GOLPH3L: variants seen among roughly 807,000 people sequenced by gnomAD.
GOLPH3L encodes golgi phosphoprotein 3 like.
A neutral mutation model predicts 30.3 loss-of-function variants in GOLPH3L; 22 were observed. The ratio of observed to expected loss-of-function variants is 0.73; its 90% CI spans 0.52 to 1.04. The LOEUF (loss-of-function observed/expected upper bound fraction) is 1.04. Ranked by LOEUF, GOLPH3L falls within the 50% of genes least tolerant of loss-of-function variation. The probability of loss-of-function intolerance (pLI) is 0.00; values close to 1 mark genes in which losing one functional copy is unlikely to be tolerated. For synonymous variants in GOLPH3L, 120 were observed against 128.2 expected (o/e 0.94, Z 0.43); for missense variants, 303 against 345.8 (o/e 0.88, Z 0.98).
At chr1:150,671,387 C>T (rs1010443811) in intron 2 of GOLPH3L, among the ~76,000 whole-genome samples, 2 of 152,144 alleles carry the variant, frequency 1.3e-5, no homozygotes, top group African/African-American at 4.8e-5. Context: ...ACAGTCAACA[C>T]TTTATGCTGA....
intron 2 of GOLPH3L, among the ~76,000 whole-genome samples, chr1:150,669,247 A>G (rs1650585336): frequency 6.6e-6 from 1 of 152,196 alleles, no homozygotes; most frequent in Non-Finnish European, 1.5e-5. Context: ...CATGATAGTA[A>G]ATGTTCCCCT....
chr1:150,693,708 A>G (rs1651263974), intron 2 of GOLPH3L, among the ~76,000 whole-genome samples: 1 of 151,326 alleles, frequency 6.6e-6, no homozygotes, highest in Non-Finnish European at 1.5e-5. Context: ...ATGTTCCATT[A>G]AATAAGGAGA....
chr1:150,667,251 C>T (rs1029572047), intron 2 of GOLPH3L, among the ~76,000 whole-genome samples: 7 of 152,164 alleles, frequency 4.6e-5, no homozygotes, highest in Admixed American at 2.0e-4. Context: ...AAGATTATTT[C>T]TACTTTCCAA....
At chr1:150,655,248 G>A (rs1251394725) in intron 4 of GOLPH3L, among the ~76,000 whole-genome samples, 5 of 152,078 alleles carry the variant, frequency 3.3e-5, no homozygotes, top group Non-Finnish European at 7.3e-5. Flanking sequence ...AATTCAACCC[G>A]CCCAATTTAA....
At chr1:150,658,285 C>A (rs1650291621) in intron 4 of GOLPH3L, among the ~76,000 whole-genome samples, 1 of 152,206 alleles carries the variant, frequency 6.6e-6, no homozygotes, top group Non-Finnish European at 1.5e-5. Context: ...ATCGGGACAA[C>A]CAGTCGCAAT....
intron 2 of GOLPH3L, among the ~76,000 whole-genome samples, chr1:150,673,963 T>A (rs1650707810): frequency 1.3e-5 from 2 of 151,350 alleles, no homozygotes; most frequent in Non-Finnish European, 1.5e-5. Flanking sequence ...GGAAAACATG[T>A]CCAGGCTCTA....
At chr1:150,652,513 C>T (rs954930924) in intron 4 of GOLPH3L, among the ~76,000 whole-genome samples, 1 of 151,184 alleles carries the variant, frequency 6.6e-6, no homozygotes, top group Admixed American at 6.6e-5. Context: ...AGCAGACCTG[C>T]TTATAAGAAA....
Position 150,694,753 on chromosome 1 carries a change from CAATTACTG to C in GOLPH3L, c.78_85del (p.Asp26GlufsTer8). On this transcript the variant is annotated frameshift_variant, in exon 2 of 5. Coordinates refer to ENST00000271732, the MANE Select transcript of GOLPH3L (RefSeq NM_018178.6). LOFTEE classifies it high-confidence loss of function. ...ATCTTCATTGTCTGGACTTTTCTCC[CAATTACTG>C]TCTTCCTCACTTTCCATCTTCTTTT... 1 of 1,610,544 alleles carries C rather than the reference CAATTACTG, an allele frequency of 6.2e-7. No homozygotes were observed. Among genetic ancestry groups the C allele is most frequent in the Non-Finnish European group, 8.5e-7 (1 of 1,176,862 alleles).
chr1:150,661,932 T>G lies in GOLPH3L; in HGVS notation c.316-4A>C, dbSNP rs752909012. The G allele has an allele frequency of 2.3e-6, 3 of 1,331,512 alleles. No homozygotes were observed. The highest frequency in any genetic ancestry group is 3.3e-6 in the Non-Finnish European group (3 of 922,132). 82.5% of individuals were successfully genotyped at this position (1,331,512 alleles called of 1,614,324 possible). A position where few individuals can be genotyped will look rare whatever the true frequency, so the allele number is the denominator to read the frequency against. The stretch of plus-strand genomic sequence containing the variant: ...GGCTGTCTGACTTTAGCAGTACCTT[T>G]GAGAAAAGGAGAAAGAAGGAACCCT... On this transcript the variant is annotated splice_region_variant and splice_polypyrimidine_tract_variant and intron_variant, in intron 3 of 4. Coordinates refer to ENST00000271732, the MANE Select transcript of GOLPH3L (RefSeq NM_018178.6).
At chr1:150,681,242 A>G (rs1650939791) in intron 2 of GOLPH3L, among the ~76,000 whole-genome samples, 1 of 152,246 alleles carries the variant, frequency 6.6e-6, no homozygotes, top group Non-Finnish European at 1.5e-5. Flanking sequence ...AAAAATGTGA[A>G]AATGGAGCCC....
intron 2 of GOLPH3L, among the ~76,000 whole-genome samples, chr1:150,681,121 G>A (rs965215661): frequency 2.0e-5 from 3 of 152,046 alleles, no homozygotes; most frequent in African/African-American, 7.2e-5. Context: ...TGGGTGACAA[G>A]AGCAAAACTC....
chr1:150,692,699 T>C (rs2101822723), intron 2 of GOLPH3L, among the ~76,000 whole-genome samples: 1 of 152,336 alleles, frequency 6.6e-6, no homozygotes, highest in Middle Eastern at 3.4e-3. Flanking sequence ...GCCATCTGCT[T>C]ATTTTGTACA....
chr1:150,673,314 A>C (rs1454823063), intron 2 of GOLPH3L, among the ~76,000 whole-genome samples: 1 of 152,178 alleles, frequency 6.6e-6, no homozygotes, highest in Non-Finnish European at 1.5e-5. Flanking sequence ...CTGTAATCCC[A>C]GCACTTTGGG....
At chr1:150,668,662 T>G (rs1323781468) in intron 2 of GOLPH3L, among the ~76,000 whole-genome samples, 1 of 152,164 alleles carries the variant, frequency 6.6e-6, no homozygotes, top group Non-Finnish European at 1.5e-5. Flanking sequence ...AAATTACAGG[T>G]GTGAGCCACT....
chr1:150,653,388 C>T (rs187877752), intron 4 of GOLPH3L, among the ~76,000 whole-genome samples: 116 of 149,318 alleles, frequency 7.8e-4, no homozygotes, highest in African/African-American at 2.5e-3. Context: ...CGCTGCCTGC[C>T]GGGTTCAAGT....
At chr1:150,680,330 T>C (rs1044630325) in intron 2 of GOLPH3L, among the ~76,000 whole-genome samples, 2 of 152,214 alleles carry the variant, frequency 1.3e-5, no homozygotes, top group East Asian at 1.9e-4. Context: ...AAGCCACACA[T>C]AACTAATTCA....
chr1:150,670,534 T>A (rs1650621695), intron 2 of GOLPH3L, among the ~76,000 whole-genome samples: 1 of 152,100 alleles, frequency 6.6e-6, no homozygotes, highest in Admixed American at 6.6e-5. Context: ...GAGGCGGAGC[T>A]TGCAGTGAGC....
At chr1:150,659,499 C>T (rs373352583) in intron 4 of GOLPH3L, among the ~76,000 whole-genome samples, 19 of 152,186 alleles carry the variant, frequency 1.2e-4, no homozygotes, top group African/African-American at 3.6e-4. Context: ...CCCTTTATTT[C>T]GGCCCATCCC....
At chr1:150,653,187 A>G (rs1650163957) in intron 4 of GOLPH3L, among the ~76,000 whole-genome samples, 1 of 151,406 alleles carries the variant, frequency 6.6e-6, no homozygotes, top group South Asian at 2.1e-4. Context: ...AAAAAAAAAA[A>G]AAAGAAAAGA....
Sources: allele counts gnomAD v4.1 joint callset (sites outside exome capture counted in the v4.1 genomes callset), GRCh38; gene constraint gnomAD v4.1.1; transcripts MANE v1.5; gene names NCBI Gene and HGNC (gene_info 2026-07-23, HGNC 2026-07-21).